Variants in ANKIB1 observed in about 807,000 individuals in gnomAD.
The protein encoded by ANKIB1 is ankyrin repeat and IBR domain containing 1.
Under a neutral mutation model 122.1 loss-of-function variants are expected in ANKIB1, and 43 were observed. That is an observed-to-expected ratio of 0.35 (90% confidence interval 0.28 to 0.45). The LOEUF (loss-of-function observed/expected upper bound fraction) is 0.45, where lower values mean the gene tolerates loss of function less well. Among genes scored for constraint, ANKIB1 ranks in the 20% least tolerant of loss-of-function variants. ANKIB1 has a pLI of 1.00. For missense variants in ANKIB1, 992 were observed against 1,329.5 expected (o/e 0.75, Z 3.95); for synonymous variants, 390 against 442.0 (o/e 0.88, Z 1.48).
intron 7 of ANKIB1, chr7:92,347,891 A>C (rs1436002472): frequency 3.0e-6 from 1 of 337,054 alleles, no homozygotes; most frequent in Non-Finnish European, 5.7e-6. Context: ...TGCTTAAAAC[A>C]GGATCTTGCA....
At chr7:92,276,013 T>G (rs1801895821) in intron 1 of ANKIB1, among the ~76,000 whole-genome samples, 1 of 152,214 alleles carries the variant, frequency 6.6e-6, no homozygotes, top group African/African-American at 2.4e-5. Flanking sequence ...GTGTGTGGTA[T>G]ATCTACATCT....
intron 5 of ANKIB1, among the ~76,000 whole-genome samples, chr7:92,339,045 T>C (rs1803374732): frequency 7.7e-6 from 1 of 129,078 alleles, no homozygotes; most frequent in South Asian, 2.7e-4. Context: ...ATTTTCTTTT[T>C]TTTTTTTTTT....
At chr7:92,337,950 A>T (rs1803325059) in intron 5 of ANKIB1, among the ~76,000 whole-genome samples, 1 of 152,218 alleles carries the variant, frequency 6.6e-6, no homozygotes, top group South Asian at 2.1e-4. Flanking sequence ...AGGAGATCAT[A>T]AAAATCTAGG....
intron 1 of ANKIB1, among the ~76,000 whole-genome samples, chr7:92,270,069 A>C (rs1801754597): frequency 6.6e-6 from 1 of 151,740 alleles, no homozygotes; most frequent in African/African-American, 2.4e-5. Flanking sequence ...TTTTAAAAAA[A>C]ATTTTTTTTG....
At chr7:92,288,048 A>C (rs950538798) in intron 1 of ANKIB1, among the ~76,000 whole-genome samples, 3 of 151,644 alleles carry the variant, frequency 2.0e-5, no homozygotes, top group Admixed American at 6.6e-5. Context: ...AAAAAAAAAA[A>C]AAAAAAAAAC....
chr7:92,306,258 G>T (rs1177472902), intron 2 of ANKIB1, among the ~76,000 whole-genome samples: 1 of 151,982 alleles, frequency 6.6e-6, no homozygotes, highest in Non-Finnish European at 1.5e-5. Context: ...CTAGGTGTTG[G>T]CAGCACTGCA....
At chr7:92,329,406 C>CT (rs1803108829) in intron 5 of ANKIB1, among the ~76,000 whole-genome samples, 2 of 152,268 alleles carry the variant, frequency 1.3e-5, no homozygotes, top group East Asian at 3.9e-4. Flanking sequence ...CCCAGAGAAT[C>CT]TAAGTCATTA....
rs370544085 is a variant in ANKIB1, at chr7:92,331,459, G to A, written c.787+3559G>A. Among the ~76,000 whole-genome samples, 48 of 151,942 alleles carry A rather than the reference G, an allele frequency of 3.2e-4. 1 individual carries two copies. Among genetic ancestry groups the A allele is most frequent in the African/African-American group, 9.9e-4 (41 of 41,442 alleles). On this transcript the variant is annotated intron_variant, in intron 5 of 19. Coordinates refer to ENST00000265742, the MANE Select transcript of ANKIB1 (RefSeq NM_019004.2). ...ATTTTTGTATTTTTAGTAGAGATGG[G>A]GTTTCACCAGATGGGGTTTGGCCAG...
In ANKIB1 at chr7:92,398,703, A is replaced by C; in HGVS notation, c.3024A>C (p.Ser1008=). ...AGCTCCCCTGTATCAAAGATGGGTC[A>C]GAAGGTGTGAAGGATGTGGAACTGG... ...DSQLPCIKDG[S]EGVKDVELVL... The change falls in exon 20 of 20, where the codon TCA becomes TCC. Residue 1008 remains serine (S), a synonymous_variant. Coordinates refer to ENST00000265742, the MANE Select transcript of ANKIB1 (RefSeq NM_019004.2). 2 of 1,613,840 alleles carry C rather than the reference A, an allele frequency of 1.2e-6. No homozygotes were observed. Among genetic ancestry groups the C allele is most frequent in the South Asian group, 1.1e-5 (1 of 91,044 alleles).
intron 15 of ANKIB1, among the ~76,000 whole-genome samples, chr7:92,390,345 A>G (rs372057369): frequency 6.6e-6 from 1 of 152,162 alleles, no homozygotes; most frequent in African/African-American, 2.4e-5. Flanking sequence ...GAGTGGTGCA[A>G]ACATTTCCTG....
chr7:92,323,176 C>T lies in ANKIB1; in HGVS notation c.669+3664C>T, dbSNP rs776722935. Among the ~76,000 whole-genome samples, 48 of 152,108 alleles carry T rather than the reference C, an allele frequency of 3.2e-4. 1 individual carries two copies. Among genetic ancestry groups the T allele is most frequent in the Non-Finnish European group, 3.5e-4 (24 of 67,988 alleles). On this transcript the variant is annotated intron_variant, in intron 4 of 19. Coordinates refer to ENST00000265742, the MANE Select transcript of ANKIB1 (RefSeq NM_019004.2). ...ATTTGATGGGCCATAAGATTTTAAACTTTGTCAGATGCTCTTAAGCTGTCC... is the reference window on the plus strand; with the variant it reads ...ATTTGATGGGCCATAAGATTTTAAATTTTGTCAGATGCTCTTAAGCTGTCC...
intron 15 of ANKIB1, 28 bp from the exon 16 acceptor site, chr7:92,391,138 A>G (rs750401765): frequency 1.7e-6 from 2 of 1,168,988 alleles, no homozygotes; most frequent in Non-Finnish European, 2.4e-6. Context: ...GAAGCCTGTG[A>G]TTTTTTTTTT....
chr7:92,380,139 C>T (rs982844492), intron 11 of ANKIB1, among the ~76,000 whole-genome samples: 1 of 152,158 alleles, frequency 6.6e-6, no homozygotes, highest in African/African-American at 2.4e-5. Context: ...GAGCCTTGCT[C>T]ACTGCTATTC....
rs377476154 is a variant in ANKIB1, at chr7:92,326,467, A to G, written c.670-1316A>G. Among the ~76,000 whole-genome samples, 4 of 152,344 alleles carry G rather than the reference A, an allele frequency of 2.6e-5. 1 individual carries two copies. ...TAACCTGAAAAAGAACATTTAGGATATAAGACCAGGAAATACACAGTTGCC... is the reference window on the plus strand; with the variant it reads ...TAACCTGAAAAAGAACATTTAGGATGTAAGACCAGGAAATACACAGTTGCC... On this transcript the variant is annotated intron_variant, in intron 4 of 19. Coordinates refer to ENST00000265742, the MANE Select transcript of ANKIB1 (RefSeq NM_019004.2).
At chr7:92,314,441 A>T (rs572572226) in intron 3 of ANKIB1, among the ~76,000 whole-genome samples, 1 of 152,346 alleles carries the variant, frequency 6.6e-6, no homozygotes, top group East Asian at 1.9e-4. Flanking sequence ...CTTGCTACTC[A>T]AAAGAATCGT....
Position 92,246,011 on chromosome 7 carries a change from T to C in ANKIB1, c.-599T>C, listed in dbSNP as rs1353999750. On this transcript the variant is annotated 5_prime_UTR_variant, in exon 1 of 20. Coordinates refer to ENST00000265742, the MANE Select transcript of ANKIB1 (RefSeq NM_019004.2). Reference sequence around the variant, plus strand: ...GGGCTGCTGCCGTTCCTGCTCCTTTTCACTGGACCTGCAGTCTCTCAGGGG... The same window carrying C: ...GGGCTGCTGCCGTTCCTGCTCCTTTCCACTGGACCTGCAGTCTCTCAGGGG... 4.1e-6 allele frequency: 1 copy of C among 246,064 alleles called. No homozygotes were observed. Among genetic ancestry groups the C allele is most frequent in the East Asian group, 1.8e-4 (1 of 5,480 alleles). 15.2% of individuals were successfully genotyped at this position (246,064 alleles called of 1,614,324 possible). A position where few individuals can be genotyped will look rare whatever the true frequency, so the allele number is the denominator to read the frequency against.
chr7:92,325,290 G>C (rs566694380), intron 4 of ANKIB1, among the ~76,000 whole-genome samples: 1 of 152,170 alleles, frequency 6.6e-6, no homozygotes, highest in Non-Finnish European at 1.5e-5. Context: ...ACTCATGCTG[G>C]ACATTGCTGG....
chr7:92,378,634 C>T (rs1804441314), intron 11 of ANKIB1, among the ~76,000 whole-genome samples: 1 of 151,894 alleles, frequency 6.6e-6, no homozygotes, highest in Admixed American at 6.6e-5. Context: ...AATTCAAGAA[C>T]AAGATGAAGA....
intron 5 of ANKIB1, among the ~76,000 whole-genome samples, chr7:92,330,311 T>A (rs1803140586): frequency 6.6e-6 from 1 of 152,216 alleles, no homozygotes; most frequent in East Asian, 1.9e-4. Context: ...CTTTTAATTT[T>A]TATTGTTAGG....
Sources: gnomAD v4.1 joint callset for allele counts (sites outside exome capture counted in the v4.1 genomes callset) on GRCh38, gnomAD v4.1.1 for gene constraint, MANE v1.5 for transcripts, NCBI Gene and HGNC (gene_info 2026-07-23, HGNC 2026-07-21) for gene names.